Variants in TTC17 observed in about 807,000 individuals in gnomAD.
The protein encoded by TTC17 is tetratricopeptide repeat domain 17, also known as tetratricopeptide repeat protein 17.
A neutral mutation model predicts 143.8 loss-of-function variants in TTC17; 58 were observed. The observed-to-expected ratio is 0.40, with a 90% CI of 0.33 to 0.50. The LOEUF is 0.50. TTC17 is among the 20% of genes least tolerant of loss of function. The pLI, the probability that TTC17 is intolerant of heterozygous loss-of-function variation, is 0.49. For synonymous variants in TTC17, 501 were observed against 497.8 expected (o/e 1.01, Z -0.09); for missense variants, 1,273 against 1,392.5 (o/e 0.91, Z 1.37).
In TTC17 at chr11:43,444,187, G is replaced by C. The variant is rs1398634903; in HGVS notation, c.2643G>C (p.Lys881Asn). 1 of 1,610,610 alleles carries C rather than the reference G, an allele frequency of 6.2e-7. No homozygotes were observed. The change falls in exon 18 of 24, where the codon AAG becomes AAC. Residue 881 changes from lysine (K) to asparagine (N), a missense_variant. Transcript: ENST00000039989. ...CAAACCTAGAGATCACTGGCCCCAA[G>C]GTGGCATCTCCTGGGCCACAAGGTA... ...YQANLEITGP[K>N]VASPGPQGKK...
chr11:43,482,413 T>A (rs1395934634), intron 21 of TTC17, among the ~76,000 whole-genome samples: 1 of 152,112 alleles, frequency 6.6e-6, no homozygotes, highest in Non-Finnish European at 1.5e-5. Flanking sequence ...AAGTACTTTA[T>A]AATTTTCCTT....
intron 4 of TTC17, 92 bp downstream of exon 4, chr11:43,391,668 C>G: frequency 8.0e-7 from 1 of 1,252,076 alleles, no homozygotes; most frequent in Non-Finnish European, 1.1e-6. Context: ...TCTTTCTTCT[C>G]TCCTTCCTGA....
intron 18 of TTC17, among the ~76,000 whole-genome samples, chr11:43,445,069 T>C (rs144616420): frequency 4.1e-4 from 63 of 152,316 alleles, no homozygotes; most frequent in Admixed American, 4.6e-4. Flanking sequence ...ATGTTGTAAT[T>C]GCCTAAATAA....
At chr11:43,470,427 G>A (rs1402827010) in intron 21 of TTC17, among the ~76,000 whole-genome samples, 2 of 152,182 alleles carry the variant, frequency 1.3e-5, no homozygotes, top group African/African-American at 4.8e-5. Context: ...ATAGCCTCAT[G>A]AGCATAGAGT....
intron 16 of TTC17, among the ~76,000 whole-genome samples, chr11:43,441,822 A>C (rs540866055): frequency 6.6e-6 from 1 of 152,350 alleles, no homozygotes; most frequent in South Asian, 2.1e-4. Flanking sequence ...GAATTTTTAA[A>C]TAACGATAAA....
At chr11:43,373,722 G>T (rs1302984538) in intron 1 of TTC17, among the ~76,000 whole-genome samples, 1 of 152,188 alleles carries the variant, frequency 6.6e-6, no homozygotes, top group African/African-American at 2.4e-5. Flanking sequence ...TCATATATTT[G>T]AATATCAGAC....
chr11:43,453,884 T>C (rs1422043488), intron 21 of TTC17, among the ~76,000 whole-genome samples: 3 of 152,244 alleles, frequency 2.0e-5, no homozygotes, highest in East Asian at 1.9e-4. Flanking sequence ...AGAACACTTA[T>C]ATTAGCCTAC....
intron 16 of TTC17, among the ~76,000 whole-genome samples, chr11:43,415,167 C>A (rs773958389): frequency 5.3e-5 from 8 of 152,134 alleles, no homozygotes; most frequent in Non-Finnish European, 8.8e-5. Context: ...TATACTCAGT[C>A]ACTGAAATAC....
At chr11:43,484,669 A>G (rs929716405) in intron 21 of TTC17, among the ~76,000 whole-genome samples, 1 of 152,194 alleles carries the variant, frequency 6.6e-6, no homozygotes, top group African/African-American at 2.4e-5. Context: ...ATAAAGTGAG[A>G]GTTGCCTTAC....
At chr11:43,378,205 G>T (rs76277039) in intron 1 of TTC17, among the ~76,000 whole-genome samples, 1 of 152,032 alleles carries the variant, frequency 6.6e-6, no homozygotes, top group African/African-American at 2.4e-5. Flanking sequence ...GCCCAGCCTT[G>T]GTTAGGCATT....
At chr11:43,480,647 T>C (rs1948268778) in intron 21 of TTC17, among the ~76,000 whole-genome samples, 1 of 152,074 alleles carries the variant, frequency 6.6e-6, no homozygotes, top group South Asian at 2.1e-4. Flanking sequence ...TTAAAAGAAA[T>C]GACTGAAATA....
intron 16 of TTC17, among the ~76,000 whole-genome samples, chr11:43,431,457 T>C (rs1281753517): frequency 1.3e-5 from 2 of 152,230 alleles, no homozygotes; most frequent in Non-Finnish European, 2.9e-5. Context: ...TTTTTAATGA[T>C]TGCCATTCTA....
chr11:43,448,230 A>G, intron 19 of TTC17, 108 bp downstream of exon 19: 1 of 1,467,542 alleles, frequency 6.8e-7, no homozygotes, highest in Non-Finnish European at 9.1e-7. Context: ...TCCTTTCTAG[A>G]GCTGAATTTT....
At chr11:43,472,801 A>G (rs1434391525) in intron 21 of TTC17, among the ~76,000 whole-genome samples, 1 of 151,902 alleles carries the variant, frequency 6.6e-6, no homozygotes, top group Non-Finnish European at 1.5e-5. Flanking sequence ...ACACATTTAA[A>G]TCATTTACAG....
At chr11:43,446,030 G>A (rs1590435411) in intron 18 of TTC17, 1 of 1,530,718 alleles carries the variant, frequency 6.5e-7, no homozygotes. Context: ...TTGTGAACCA[G>A]ATGGAGAGAT....
intron 2 of TTC17, among the ~76,000 whole-genome samples, chr11:43,380,131 G>A (rs1856910825): frequency 6.6e-6 from 1 of 152,168 alleles, no homozygotes; most frequent in Non-Finnish European, 1.5e-5. Context: ...CCTCATTTTA[G>A]AGGCAAGGAA....
At chr11:43,436,148 G>C in intron 16 of TTC17, 2 of 1,371,378 alleles carry the variant, frequency 1.5e-6, no homozygotes, top group African/African-American at 2.9e-5. Context: ...CTATATCTGT[G>C]TCTCTTGTCA....
intron 22 of TTC17, 194 bp from the exon 23 acceptor site, chr11:43,491,826 A>C (rs893348172): frequency 8.2e-6 from 5 of 611,038 alleles, no homozygotes; most frequent in African/African-American, 5.5e-5. Context: ...CAATGAAAGA[A>C]GTAATTGATT....
At chr11:43,388,867 T>G (rs1040134903) in intron 2 of TTC17, among the ~76,000 whole-genome samples, 5 of 151,678 alleles carry the variant, frequency 3.3e-5, no homozygotes, top group South Asian at 2.1e-4. Context: ...TCCCAGCTAT[T>G]TAGGGGGCTG....
Sources: gnomAD v4.1 joint callset for allele counts (sites outside exome capture counted in the v4.1 genomes callset) on GRCh38, gnomAD v4.1.1 for gene constraint, MANE v1.5 for transcripts, NCBI Gene and HGNC (gene_info 2026-07-23, HGNC 2026-07-21) for gene names.